Variants in VTI1A observed in about 807,000 individuals in gnomAD.
VTI1A encodes vesicle transport through interaction with t-SNAREs homolog 1A.
A neutral mutation model predicts 34.9 loss-of-function variants in VTI1A; 22 were observed. The ratio of observed to expected loss-of-function variants is 0.63; its 90% confidence interval spans 0.45 to 0.90. The LOEUF (loss-of-function observed/expected upper bound fraction) is 0.90, where lower values mean the gene tolerates loss of function less well. Ranked by LOEUF, VTI1A falls within the 40% of genes least tolerant of loss-of-function variation. VTI1A has a pLI of 0.00. For missense variants in VTI1A, 268 were observed against 275.6 expected (o/e 0.97, Z 0.20); for synonymous variants, 87 against 97.3 (o/e 0.89, Z 0.62).
At position 112,815,273 on chromosome 10, in the gene VTI1A, C is replaced by T; in HGVS notation, c.561-17C>T. The T allele has an allele frequency of 6.3e-7, 1 of 1,589,476 alleles. No homozygotes were observed. Among genetic ancestry groups the T allele is most frequent in the Non-Finnish European group, 8.6e-7 (1 of 1,165,948 alleles). The stretch of plus-strand genomic sequence containing the variant: ...CCACTTATCTGTGTGTGTTTTTTCT[C>T]CTTTGCTGTCTCCTAGAATCATCCA... On this transcript the variant is annotated splice_polypyrimidine_tract_variant and intron_variant, in intron 7 of 7. Coordinates refer to ENST00000393077, the MANE Select transcript of VTI1A (RefSeq NM_145206.4).
chr10:112,640,622 T>A (rs1462607736), intron 5 of VTI1A, among the ~76,000 whole-genome samples: 3 of 152,190 alleles, frequency 2.0e-5, no homozygotes, highest in Non-Finnish European at 4.4e-5. Flanking sequence ...TGTTGTACTT[T>A]GTAAGTAATT....
At chr10:112,797,691 G>A (rs578033013) in intron 7 of VTI1A, among the ~76,000 whole-genome samples, 1 of 78,578 alleles carries the variant, frequency 1.3e-5, no homozygotes, top group East Asian at 4.1e-4. Flanking sequence ...CTGTGATGAC[G>A]TGAGGATTTT....
intron 7 of VTI1A, among the ~76,000 whole-genome samples, chr10:112,755,185 G>C (rs540213088): frequency 6.6e-6 from 1 of 152,132 alleles, no homozygotes; most frequent in Non-Finnish European, 1.5e-5. Context: ...GAACTCAGGC[G>C]GTGGAGGTTG....
the VTI1A span, among the ~76,000 whole-genome samples, chr10:112,852,885 T>C: frequency 2.6e-5 from 4 of 152,122 alleles, no homozygotes; most frequent in Non-Finnish European, 5.9e-5. Flanking sequence ...TTCAAGCAAT[T>C]CCTCTGCCTC....
chr10:112,572,832 C>G (rs1852194117), intron 5 of VTI1A, among the ~76,000 whole-genome samples: 1 of 114,016 alleles, frequency 8.8e-6, no homozygotes, highest in Non-Finnish European at 1.8e-5. Context: ...GAGCGAGACT[C>G]CGTCTCAACC....
chr10:112,522,531 A>G lies in VTI1A; in HGVS notation c.265-4556A>G, dbSNP rs149695267. 6.2e-3 allele frequency among the ~76,000 whole-genome samples: 939 copies of G among 152,232 alleles called. 25 individuals are homozygous for G. The highest frequency in any genetic ancestry group is 0.047 in the Admixed American group (725 of 15,264). ...ATTAAAGTGCTGAATGAAGAAAATT[A>G]GGCCAAAATCGAATGGGAATGAGAA... is the stretch of plus-strand genomic sequence containing the variant. On this transcript the variant is annotated intron_variant, in intron 3 of 7. Transcript: ENST00000393077.
At chr10:112,572,733 G>A (rs1230869686) in intron 5 of VTI1A, among the ~76,000 whole-genome samples, 1 of 151,764 alleles carries the variant, frequency 6.6e-6, no homozygotes, top group Non-Finnish European at 1.5e-5. Context: ...AGCTACTCGG[G>A]AGGCTGAAGG....
chr10:112,715,247 T>G (rs1407385705), intron 7 of VTI1A, among the ~76,000 whole-genome samples: 5 of 152,124 alleles, frequency 3.3e-5, no homozygotes, highest in African/African-American at 1.2e-4. Flanking sequence ...TTCCTGAATC[T>G]TCCAGCAAAA....
chr10:112,667,285 T>C (rs1008899477), intron 5 of VTI1A, among the ~76,000 whole-genome samples: 8 of 152,190 alleles, frequency 5.3e-5, no homozygotes, highest in African/African-American at 1.9e-4. Context: ...AACAAGGTAG[T>C]CAGATATTGC....
chr10:112,693,611 T>C (rs1333995689), intron 7 of VTI1A, among the ~76,000 whole-genome samples: 1 of 152,178 alleles, frequency 6.6e-6, no homozygotes, highest in Non-Finnish European at 1.5e-5. Context: ...TCAAGGCACC[T>C]TCACCATGTA....
At chr10:112,625,146 T>C (rs1438414733) in intron 5 of VTI1A, among the ~76,000 whole-genome samples, 1 of 152,200 alleles carries the variant, frequency 6.6e-6, no homozygotes, top group African/African-American at 2.4e-5. Flanking sequence ...TGAATACATA[T>C]GTTTAACTTG....
chr10:112,657,154 C>CT (rs1286925570), intron 5 of VTI1A, among the ~76,000 whole-genome samples: 1 of 152,146 alleles, frequency 6.6e-6, no homozygotes, highest in Non-Finnish European at 1.5e-5. Flanking sequence ...CAGGGGTTTA[C>CT]TTTATAGGAA....
chr10:112,545,037 T>C (rs1217829798), intron 5 of VTI1A, among the ~76,000 whole-genome samples: 1 of 151,926 alleles, frequency 6.6e-6, no homozygotes, highest in Admixed American at 6.6e-5. Flanking sequence ...CAGAGCAGAG[T>C]TGGAAATGAG....
rs1042019201 is a variant in VTI1A, at chr10:112,818,116, G to A, written c.*2733G>A. Reference sequence around the variant, plus strand: ...GGAGGCCATTTGCTATTCTGTTTAAGGCAGGCTGGATTGTCTTATTTTGGA... The same window carrying A: ...GGAGGCCATTTGCTATTCTGTTTAAAGCAGGCTGGATTGTCTTATTTTGGA... On this transcript the variant is annotated 3_prime_UTR_variant, in exon 8 of 8. Transcript: ENST00000393077. The A allele has an allele frequency of 2.1e-5, 5 of 233,468 alleles. No homozygotes were observed. The highest frequency in any genetic ancestry group is 4.2e-5 in the Non-Finnish European group (5 of 117,940). 14.5% of individuals were successfully genotyped at this position (233,468 alleles called of 1,614,324 possible).
chr10:112,501,862 A>G (rs1849254437), intron 3 of VTI1A, among the ~76,000 whole-genome samples: 1 of 152,024 alleles, frequency 6.6e-6, no homozygotes, highest in South Asian at 2.1e-4. Flanking sequence ...GTATGTGGGA[A>G]CTTTTAAAGT....
At chr10:112,637,394 T>G (rs2134650227) in intron 5 of VTI1A, among the ~76,000 whole-genome samples, 1 of 152,252 alleles carries the variant, frequency 6.6e-6, no homozygotes, top group East Asian at 1.9e-4. Context: ...TAGGGCTGGG[T>G]GTGGTGGCTC....
At chr10:112,672,343 G>T (rs1440438708) in intron 7 of VTI1A, among the ~76,000 whole-genome samples, 1 of 152,134 alleles carries the variant, frequency 6.6e-6, no homozygotes, top group Non-Finnish European at 1.5e-5. Context: ...CCAAAAGAAA[G>T]AAAACAAAGG....
At chr10:112,511,890 CAT>C (rs1209753061) in intron 3 of VTI1A, among the ~76,000 whole-genome samples, 1 of 152,142 alleles carries the variant, frequency 6.6e-6, no homozygotes, top group Admixed American at 6.5e-5. Context: ...CTGCAGATGA[CAT>C]ATTTTCAATT....
intron 3 of VTI1A, among the ~76,000 whole-genome samples, chr10:112,471,367 ATTTTTTT>A (rs576549183): frequency 1.1e-5 from 1 of 94,400 alleles, no homozygotes; most frequent in African/African-American, 4.3e-5. Context: ...ATTCTTATTG[ATTTTTTT>A]TTTTTTTTTT....
Sources: gnomAD v4.1 joint callset for allele counts (sites outside exome capture counted in the v4.1 genomes callset) on GRCh38, gnomAD v4.1.1 for gene constraint, MANE v1.5 for transcripts, NCBI Gene and HGNC (gene_info 2026-07-23, HGNC 2026-07-21) for gene names.